Variants in KLRD1 observed in about 807,000 individuals in gnomAD.
KLRD1 encodes killer cell lectin like receptor D1.
A neutral mutation model predicts 22.6 loss-of-function variants in KLRD1; 21 were observed. The ratio of observed to expected loss-of-function variants is 0.93; its 90% confidence interval spans 0.66 to 1.34. KLRD1 has a LOEUF of 1.34. Among genes scored for constraint, KLRD1 ranks in the 40% most tolerant of loss-of-function variants. The probability of loss-of-function intolerance (pLI) is 0.00; values close to 1 mark genes in which losing one functional copy is unlikely to be tolerated. For missense variants in KLRD1, 183 were observed against 208.6 expected, an observed-to-expected ratio of 0.88 and a Z score of 0.76; for synonymous variants, 59 against 71.1, an observed-to-expected ratio of 0.83 and a Z score of 0.85.
intron 4 of KLRD1, among the ~76,000 whole-genome samples, chr12:10,312,369 T>TTTTGTTTG (rs369950859): frequency 7.7e-4 from 111 of 144,202 alleles, no homozygotes; most frequent in African/African-American, 2.7e-3. Flanking sequence ...CCCAATTCTT[T>TTTTGTTTG]TTTGTTTGTT....
At chr12:10,303,094 A>G (rs1949881128), upstream of KLRD1, among the ~76,000 whole-genome samples, 1 of 152,204 alleles carries the variant, frequency 6.6e-6, no homozygotes, top group African/African-American at 2.4e-5. Context: ...AGTCAGAAGC[A>G]AGATTAAATC....
At chr12:10,283,874 A>C (rs908980112) in intron 1 of KLRD1, among the ~76,000 whole-genome samples, 1 of 152,114 alleles carries the variant, frequency 6.6e-6, no homozygotes, top group African/African-American at 2.4e-5. Flanking sequence ...TCTCATACTC[A>C]ATCAAAAGTA....
rs115876086 is a variant in KLRD1, at chr12:10,257,697, T to A, written c.-101+31464T>A. On this transcript the variant is annotated intron_variant, in intron 1 of 5. Coordinates refer to the KLRD1 transcript ENST00000544747. ...TAGTACAGTTATTTTGAAGTCTTAG[T>A]CTACTGATCTGATATTTGTGCTCCC... Among the ~76,000 whole-genome samples the A allele has an allele frequency of 6.1e-3, 934 of 152,094 alleles. 11 individuals carry two copies. Among genetic ancestry groups the A allele is most frequent in the African/African-American group, 0.021 (890 of 41,494 alleles).
Position 10,319,236 on chromosome 12 carries a change from A to G in KLRD1, c.*4443A>G, listed in dbSNP as rs1183732187. The G allele has an allele frequency of 1.3e-5, 2 of 152,108 alleles. No homozygotes were observed. The highest frequency in any genetic ancestry group is 2.9e-5 in the Non-Finnish European group (2 of 68,024). 9.4% of individuals were successfully genotyped at this position (152,108 alleles called of 1,614,324 possible). On this transcript the variant is annotated 3_prime_UTR_variant, in exon 6 of 6. Coordinates refer to ENST00000336164, the MANE Select transcript of KLRD1 (RefSeq NM_002262.5). ...ATGAGAATATAAGGCCATAAATTCT[A>G]CTCTCTGCTTTATTCTTTTCCAGGT...
In KLRD1 at chr12:10,309,441, C is replaced by A; in HGVS notation, c.61C>A (p.Leu21Ile). 1.9e-6 allele frequency: 3 copies of A among 1,557,202 alleles called. No individual in the cohort carries two copies. Among genetic ancestry groups the A allele is most frequent in the African/African-American group, 1.3e-5 (1 of 74,080 alleles). ...TTCTGGGACCTTAGGGATAATATGC[C>A]TTTCGTTGATGTCTACGTTGGGAAT... ...LISGTLGIIC[L>I]SLMSTLGILL... Residue 21 changes from leucine to isoleucine, a missense_variant, in exon 2 of 6, where the codon CTT (leucine) becomes ATT (isoleucine). By Grantham distance (5) the Leu-to-Ile change is conservative. Transcript: ENST00000336164.
intron 1 of KLRD1, among the ~76,000 whole-genome samples, chr12:10,244,809 A>C (rs963462294): frequency 4.6e-5 from 7 of 151,794 alleles, no homozygotes; most frequent in South Asian, 2.1e-4. Context: ...AAACAAAAAA[A>C]AAACCAAAAC....
rs1949964755 is a variant in KLRD1 at position 10,308,060 on chromosome 12, C to T, written c.-18C>T. On this transcript the variant is annotated 5_prime_UTR_variant, in exon 1 of 6. Coordinates refer to ENST00000336164, the MANE Select transcript of KLRD1 (RefSeq NM_002262.5). ...CACATCGTGCCTTCTCTACTTCGCT[C>T]TTGGAACATAATTTCTCATGGCAGG... The T allele has an allele frequency of 6.2e-7, 1 of 1,610,930 alleles. No homozygotes were observed.
chr12:10,280,341 C>T (rs777019518), intron 1 of KLRD1, among the ~76,000 whole-genome samples: 12 of 152,002 alleles, frequency 7.9e-5, no homozygotes, highest in East Asian at 3.8e-4. Flanking sequence ...AGAGATGGAC[C>T]GCTTCAGAAT....
intron 3 of KLRD1, among the ~76,000 whole-genome samples, chr12:10,310,582 T>C (rs1052938853): frequency 2.6e-5 from 4 of 152,094 alleles, no homozygotes; most frequent in African/African-American, 9.7e-5. Context: ...GGCATATTAC[T>C]TGAGGTCAGA....
intron 1 of KLRD1, among the ~76,000 whole-genome samples, chr12:10,249,210 G>GT (rs1250287377): frequency 1.3e-5 from 2 of 152,140 alleles, no homozygotes; most frequent in Admixed American, 6.5e-5. Context: ...GGACAGGGGA[G>GT]TTGCTAACAT....
In KLRD1 at chr12:10,262,621, C is replaced by T. The variant is rs959748593; in HGVS notation, c.-101+36388C>T. ...CCAACATTCCCATTGTAAACCAATA[C>T]TTACCTTTGTTTTGTGATATTATGT... On this transcript the variant is annotated intron_variant, in intron 1 of 5. Coordinates refer to the KLRD1 transcript ENST00000544747. Among the ~76,000 whole-genome samples the T allele has an allele frequency of 3.9e-5, 6 of 152,026 alleles. No individual in the cohort carries two copies. In the East Asian group the frequency reaches 1.2e-3, roughly 29 times the overall value.
Position 10,329,561 on chromosome 12 carries a change from T to C in KLRD1, c.*14768T>C, listed in dbSNP as rs973254921. 6.6e-6 allele frequency: 1 copy of C among 152,180 alleles called. No individual in the cohort carries two copies. The highest frequency in any genetic ancestry group is 2.4e-5 in the African/African-American group (1 of 41,436). The allele number at this position is 152,180 out of a possible 1,614,324, so 9.4% of individuals were successfully genotyped here. On this transcript the variant is annotated 3_prime_UTR_variant, in exon 6 of 6. Coordinates refer to ENST00000336164, the MANE Select transcript of KLRD1 (RefSeq NM_002262.5). The stretch of plus-strand genomic sequence containing the variant: ...AGGTCATCTGGGTCTTTGTTGCCTT[T>C]ATGTTTGGTTGTTCTATCCATTATT...
intron 1 of KLRD1, among the ~76,000 whole-genome samples, chr12:10,269,740 T>C (rs2137641825): frequency 6.6e-6 from 1 of 152,304 alleles, no homozygotes. Flanking sequence ...TTTTTCTTTT[T>C]TTAATGAATC....
rs1592098233 is a variant in KLRD1 at position 10,315,890 on chromosome 12, G to C, written c.*1097G>C. On this transcript the variant is annotated 3_prime_UTR_variant, in exon 6 of 6. Coordinates refer to ENST00000336164, the MANE Select transcript of KLRD1 (RefSeq NM_002262.5). ...CGCAGCACTTTGGGAGGCCAAGGCG[G>C]GTGGATCACTTGAGGTCAGGAGTTT... 1 of 152,068 alleles carries C rather than the reference G, an allele frequency of 6.6e-6. No homozygotes were observed. Among genetic ancestry groups the C allele is most frequent in the African/African-American group, 2.4e-5 (1 of 41,478 alleles). The allele number at this position is 152,068 out of a possible 1,614,324, so 9.4% of individuals were successfully genotyped here. A position where few individuals can be genotyped will look rare whatever the true frequency, so the allele number is the denominator to read the frequency against.
rs750763577 is a variant in KLRD1, at chr12:10,319,865, CTT to C, written c.*5091_*5092del. ...TGTGTGAAATAGTAAAGTGTTTATTCTTTTTTTTTTTTTTTTTTTTGACAGAG... is the reference window on the plus strand; with the variant it reads ...TGTGTGAAATAGTAAAGTGTTTATTCTTTTTTTTTTTTTTTTTTGACAGAG... On this transcript the variant is annotated 3_prime_UTR_variant, in exon 6 of 6. Coordinates refer to ENST00000336164, the MANE Select transcript of KLRD1 (RefSeq NM_002262.5). 10 of 116,868 alleles carry C rather than the reference CTT, an allele frequency of 8.6e-5. No homozygotes were observed. The highest frequency in any genetic ancestry group is 5.1e-3 in the Middle Eastern group (1 of 198). 7.2% of individuals were successfully genotyped at this position (116,868 alleles called of 1,614,324 possible).
Position 10,292,478 on chromosome 12 carries a change from T to C in KLRD1, c.-100-15500T>C, listed in dbSNP as rs144213591. ...CTTGAAAATGACATGAATTTCTTTG[T>C]ACGTCTTCATCAGAGCTCTTGGGTG... On this transcript the variant is annotated intron_variant, in intron 1 of 5. Transcript: ENST00000544747. Among the ~76,000 whole-genome samples the C allele has an allele frequency of 3.4e-3, 524 of 152,360 alleles. 4 individuals carry two copies. Among genetic ancestry groups the C allele is most frequent in the African/African-American group, 0.012 (495 of 41,584 alleles).
chr12:10,310,589 CAG>C (rs1004488047), intron 3 of KLRD1, among the ~76,000 whole-genome samples: 1 of 151,998 alleles, frequency 6.6e-6, no homozygotes, highest in African/African-American at 2.4e-5. Context: ...TACTTGAGGT[CAG>C]AAGTTCAAGA....
intron 1 of KLRD1, among the ~76,000 whole-genome samples, chr12:10,244,127 T>G (rs1949268386): frequency 6.6e-6 from 1 of 152,112 alleles, no homozygotes; most frequent in Admixed American, 6.5e-5. Context: ...GGCAATTTTT[T>G]AAAGGATTGG....
At chr12:10,313,678 G>A (rs1950152711) in intron 5 of KLRD1, among the ~76,000 whole-genome samples, 165 bp downstream of exon 5, 1 of 151,828 alleles carries the variant, frequency 6.6e-6, no homozygotes, top group Non-Finnish European at 1.5e-5. Flanking sequence ...TTAGATCTAG[G>A]CAGATCTAAA....
Sources: gnomAD v4.1 joint callset for allele counts (sites outside exome capture counted in the v4.1 genomes callset) on GRCh38, gnomAD v4.1.1 for gene constraint, MANE v1.5 for transcripts, NCBI Gene and HGNC (gene_info 2026-07-23, HGNC 2026-07-21) for gene names.